ARID1B: variants seen among roughly 807,000 people sequenced by gnomAD.
The protein encoded by ARID1B is AT-rich interactive domain-containing protein 1B.
Under a neutral mutation model 212.3 loss-of-function variants are expected in ARID1B, and 30 were observed. The observed-to-expected ratio is 0.14, with a 90% CI of 0.11 to 0.19. ARID1B has a LOEUF of 0.19. Ranked by LOEUF, ARID1B falls within the 10% of genes least tolerant of loss-of-function variation. ARID1B has a pLI of 1.00. For missense variants in ARID1B, 2,891 were observed against 3,204.0 expected (o/e 0.90, Z 2.36); for synonymous variants, 1,402 against 1,301.7 (o/e 1.08, Z -1.66).
intron 5 of ARID1B, among the ~76,000 whole-genome samples, chr6:157,105,846 C>T (rs552607557): frequency 9.2e-5 from 14 of 152,140 alleles, no homozygotes; most frequent in African/African-American, 2.4e-4. Context: ...ATGATCCGCC[C>T]GCCTCAGCCT....
At chr6:156,837,961 A>G (rs566028794) in intron 2 of ARID1B, among the ~76,000 whole-genome samples, 4 of 152,198 alleles carry the variant, frequency 2.6e-5, no homozygotes, top group Non-Finnish European at 4.4e-5. Flanking sequence ...GCCTGCTTAA[A>G]TAGCCCCAAT....
intron 3 of ARID1B, among the ~76,000 whole-genome samples, chr6:156,904,122 A>T (rs374913560): frequency 6.6e-5 from 10 of 152,256 alleles, no homozygotes; most frequent in African/African-American, 1.9e-4. Flanking sequence ...AACCATTTAT[A>T]GTTTATTGTA....
At chr6:157,113,012 C>G (rs1205404001) in intron 6 of ARID1B, among the ~76,000 whole-genome samples, 3 of 151,626 alleles carry the variant, frequency 2.0e-5, no homozygotes, top group Non-Finnish European at 2.9e-5. Flanking sequence ...ACCTCTGCCT[C>G]CTGGGTTCAA....
intron 6 of ARID1B, among the ~76,000 whole-genome samples, chr6:157,127,866 G>A (rs1463294222): frequency 6.8e-6 from 1 of 147,796 alleles, no homozygotes; most frequent in East Asian, 1.9e-4. Context: ...GGAGGCTGAG[G>A]CAGAAGAATC....
chr6:157,184,926 C>G (rs1792869909), intron 13 of ARID1B: 1 of 180,770 alleles, frequency 5.5e-6, no homozygotes, highest in Non-Finnish European at 1.2e-5. Context: ...TGTCCCCTAC[C>G]CAGCAAGTTC....
chr6:157,108,660 C>T (rs552904447), intron 5 of ARID1B, among the ~76,000 whole-genome samples: 1 of 152,214 alleles, frequency 6.6e-6, no homozygotes, highest in East Asian at 1.9e-4. Context: ...CAGTATTTAC[C>T]CTTGAAATTG....
At chr6:157,130,916 G>T (rs1346847122) in intron 6 of ARID1B, among the ~76,000 whole-genome samples, 1 of 152,202 alleles carries the variant, frequency 6.6e-6, no homozygotes, top group Non-Finnish European at 1.5e-5. Context: ...TTTTCAAACT[G>T]TCCTTTGTTA....
intron 4 of ARID1B, among the ~76,000 whole-genome samples, chr6:156,990,721 G>A (rs961825649): frequency 2.0e-5 from 3 of 152,110 alleles, no homozygotes; most frequent in African/African-American, 7.2e-5. Context: ...CAAACTCCTG[G>A]CCTCAAGCCA....
chr6:157,123,484 C>G (rs1422924505), intron 6 of ARID1B, among the ~76,000 whole-genome samples: 1 of 152,250 alleles, frequency 6.6e-6, no homozygotes, highest in Non-Finnish European at 1.5e-5. Context: ...CCCCTCAGCT[C>G]TAGCTGGCCT....
In ARID1B at chr6:157,001,623, A is replaced by G. The variant is rs192475498; in HGVS notation, c.2247+66047A>G. On this transcript the variant is annotated intron_variant, in intron 4 of 19. Transcript: ENST00000636930. Reference sequence around the variant, plus strand: ...GGGGACCTTGTTTGATATATTACGCAGTACTACATCTGAGCTATATGTGGG... The same window carrying G: ...GGGGACCTTGTTTGATATATTACGCGGTACTACATCTGAGCTATATGTGGG... Among the ~76,000 whole-genome samples, 227 of 152,386 alleles carry G rather than the reference A, an allele frequency of 1.5e-3. 1 individual carries two copies. Among genetic ancestry groups the G allele is most frequent in the African/African-American group, 5.3e-3 (219 of 41,592 alleles).
intron 3 of ARID1B, among the ~76,000 whole-genome samples, chr6:156,919,888 CCT>C (rs1480158337): frequency 6.6e-6 from 1 of 152,160 alleles, no homozygotes. Context: ...ACTTCAAACA[CCT>C]TAAGAGGAGG....
At chr6:157,132,971 G>A (rs1191071411) in intron 6 of ARID1B, 57 bp from the exon 7 acceptor site, 1 of 1,520,200 alleles carries the variant, frequency 6.6e-7, no homozygotes, top group Non-Finnish European at 8.9e-7. Flanking sequence ...CCATTTTTAT[G>A]TATGCAGAGA....
intron 4 of ARID1B, chr6:156,943,898 A>G (rs1221608643): frequency 6.6e-6 from 1 of 152,204 alleles, no homozygotes; most frequent in African/African-American, 2.4e-5. Context: ...ACAGCTTATA[A>G]TGACTTGTAT....
At chr6:156,918,427 G>A (rs1790529393) in intron 3 of ARID1B, among the ~76,000 whole-genome samples, 1 of 152,066 alleles carries the variant, frequency 6.6e-6, no homozygotes, top group Non-Finnish European at 1.5e-5. Context: ...AAAAAACAAG[G>A]ACATATATAG....
chr6:156,982,026 CT>C (rs547017193), intron 4 of ARID1B, among the ~76,000 whole-genome samples: 149 of 142,520 alleles, frequency 1.0e-3, no homozygotes, highest in Non-Finnish European at 9.3e-4. Flanking sequence ...TGGGATGTCT[CT>C]TTTTTTTTTT....
Position 156,935,521 on chromosome 6 carries a change from A to G in ARID1B, c.2192A>G (p.Lys731Arg), listed in dbSNP as rs2128274902. Reference protein sequence around the residue: ...TRSQPPLAPGKPNHEDLNLIQ... With the variant: ...TRSQPPLAPGRPNHEDLNLIQ... ...TCTCAACCTCCTCTGGCCCCCGGAAAACCTAACCATGAAGACTTGAACTTA... is the reference window on the plus strand; with the variant it reads ...TCTCAACCTCCTCTGGCCCCCGGAAGACCTAACCATGAAGACTTGAACTTA... The change falls in exon 4 of 20, where the codon AAA (lysine) becomes AGA (arginine). Residue 731 changes from lysine (K) to arginine (R), a missense_variant. Lys to Arg is a conservative substitution (Grantham distance 26). Transcript: ENST00000636930. The G allele has an allele frequency of 1.2e-6, 2 of 1,614,116 alleles. No homozygotes were observed. The highest frequency in any genetic ancestry group is 2.2e-5 in the East Asian group (1 of 44,880).
intron 4 of ARID1B, among the ~76,000 whole-genome samples, chr6:156,963,883 A>G (rs113861548): frequency 2.0e-4 from 31 of 152,378 alleles, no homozygotes; most frequent in African/African-American, 6.3e-4. Context: ...AGCATGAACT[A>G]TGCCCACGTG....
intron 8 of ARID1B, chr6:157,149,206 C>G: frequency 2.0e-6 from 1 of 489,240 alleles, no homozygotes; most frequent in South Asian, 2.8e-5. Context: ...ATTTGAAATG[C>G]CTGTGAATAG....
chr6:156,981,752 TATACTGTA>T (rs1777616815), intron 4 of ARID1B, among the ~76,000 whole-genome samples: 1 of 152,198 alleles, frequency 6.6e-6, no homozygotes, highest in Non-Finnish European at 1.5e-5. Flanking sequence ...ATACTATACT[TATACTGTA>T]ATACTATAAT....
Sources: gnomAD v4.1 joint callset for allele counts (sites outside exome capture counted in the v4.1 genomes callset) on GRCh38, gnomAD v4.1.1 for gene constraint, MANE v1.5 for transcripts, NCBI Gene and HGNC (gene_info 2026-07-23, HGNC 2026-07-21) for gene names.